SLC35D4: variants seen among roughly 807,000 people sequenced by gnomAD.
The protein encoded by SLC35D4 is solute carrier family 35 member D4.
chr18:23,400,958 G>A, the SLC35D4 span, among the ~76,000 whole-genome samples: 2,480 of 152,274 alleles, frequency 0.016, 72 homozygotes, highest in African/African-American at 0.056. Context: ...CTTACAAGGT[G>A]CTGAGAATTA....
chr18:23,432,714 T>C, the SLC35D4 span, among the ~76,000 whole-genome samples: 9 of 147,162 alleles, frequency 6.1e-5, no homozygotes, highest in African/African-American at 2.3e-4. Flanking sequence ...GAAGGAGCAA[T>C]TTGGGAGCCA....
the SLC35D4 span, chr18:23,377,747 C>T: frequency 1.5e-6 from 2 of 1,309,946 alleles, no homozygotes; most frequent in African/African-American, 1.5e-5. Context: ...ACATTTTGAT[C>T]AAGAGGCAAA....
chr18:23,289,148 C>T, the SLC35D4 span, among the ~76,000 whole-genome samples: 1 of 152,202 alleles, frequency 6.6e-6, no homozygotes. Flanking sequence ...TCATACATGT[C>T]CTGCTCTTGT....
the SLC35D4 span, among the ~76,000 whole-genome samples, chr18:23,267,083 G>C: frequency 2.0e-5 from 3 of 152,340 alleles, no homozygotes; most frequent in South Asian, 6.2e-4. Context: ...CCCAGAAGAA[G>C]GTGCTTGCCC....
the SLC35D4 span, among the ~76,000 whole-genome samples, chr18:23,343,779 A>G: frequency 6.6e-6 from 1 of 151,954 alleles, no homozygotes; most frequent in Non-Finnish European, 1.5e-5. Flanking sequence ...TGTGTTCTCA[A>G]TGTTTAATTC....
At chr18:23,281,203 AC>A in the SLC35D4 span, among the ~76,000 whole-genome samples, 1 of 152,174 alleles carries the variant, frequency 6.6e-6, no homozygotes, top group Non-Finnish European at 1.5e-5. Flanking sequence ...GATAGTGATA[AC>A]GGTTGCAGAA....
chr18:23,239,299 G>A, the SLC35D4 span, among the ~76,000 whole-genome samples: 1 of 152,188 alleles, frequency 6.6e-6, no homozygotes. Context: ...GTGCTTCTGG[G>A]AATAGTCCAT....
chr18:23,415,974 G>A, the SLC35D4 span, among the ~76,000 whole-genome samples: 2 of 152,166 alleles, frequency 1.3e-5, no homozygotes, highest in African/African-American at 2.4e-5. Flanking sequence ...TTGGGAGGCC[G>A]AGGCAGGTGG....
chr18:23,238,841 T>C, the SLC35D4 span, among the ~76,000 whole-genome samples: 19 of 152,316 alleles, frequency 1.2e-4, no homozygotes, highest in East Asian at 3.7e-3. Flanking sequence ...TGCCCAGCTG[T>C]CTCTGAATTC....
chr18:23,242,081 G>T, the SLC35D4 span, among the ~76,000 whole-genome samples: 1 of 152,230 alleles, frequency 6.6e-6, no homozygotes, highest in Admixed American at 6.5e-5. Flanking sequence ...TTCAAGAGCA[G>T]CCTGACCAAC....
the SLC35D4 span, among the ~76,000 whole-genome samples, chr18:23,302,596 G>C: frequency 6.6e-6 from 1 of 152,200 alleles, no homozygotes; most frequent in Non-Finnish European, 1.5e-5. Context: ...GGAGGATAAT[G>C]ACATATATAT....
At chr18:23,246,552 C>A in the SLC35D4 span, among the ~76,000 whole-genome samples, 1 of 151,118 alleles carries the variant, frequency 6.6e-6, no homozygotes, top group African/African-American at 2.4e-5. Context: ...CCACCACACC[C>A]GGCTAATTTT....
the SLC35D4 span, among the ~76,000 whole-genome samples, chr18:23,428,684 ATTT>A: frequency 6.9e-6 from 1 of 145,782 alleles, no homozygotes; most frequent in East Asian, 2.0e-4. Context: ...TGCCTAGCTA[ATTT>A]TTTTTTTTTT....
the SLC35D4 span, among the ~76,000 whole-genome samples, chr18:23,241,795 C>T: frequency 3.3e-5 from 5 of 152,284 alleles, no homozygotes; most frequent in South Asian, 6.2e-4. Context: ...AAAGGCCCCT[C>T]GTCGCCACAG....
At chr18:23,421,308 T>A in the SLC35D4 span, 1 of 1,381,232 alleles carries the variant, frequency 7.2e-7, no homozygotes, top group Non-Finnish European at 1.0e-6. Context: ...TGAAATTATA[T>A]AATATCAAAA....
At chr18:23,289,552 T>C in the SLC35D4 span, among the ~76,000 whole-genome samples, 1 of 152,120 alleles carries the variant, frequency 6.6e-6, no homozygotes, top group Non-Finnish European at 1.5e-5. Flanking sequence ...CTGAGAAACA[T>C]TGCCCATTAT....
At chr18:23,404,974 C>T in the SLC35D4 span, among the ~76,000 whole-genome samples, 1 of 107,766 alleles carries the variant, frequency 9.3e-6, no homozygotes, top group South Asian at 3.3e-4. Flanking sequence ...CTGGGGGCAA[C>T]AGAGCGAGAC....
the SLC35D4 span, among the ~76,000 whole-genome samples, chr18:23,349,422 G>T: frequency 6.6e-6 from 1 of 152,202 alleles, no homozygotes; most frequent in Non-Finnish European, 1.5e-5. Context: ...CACGAGGTCA[G>T]ATATCGAGAA....
At chr18:23,377,004 G>GA in the SLC35D4 span, 1 of 455,242 alleles carries the variant, frequency 2.2e-6, no homozygotes, top group Non-Finnish European at 4.4e-6. Context: ...ATCTGCAGTA[G>GA]AAATCCTAAA....
Sources: allele counts gnomAD v4.1 joint callset (sites outside exome capture counted in the v4.1 genomes callset), GRCh38; gene constraint gnomAD v4.1.1; transcripts MANE v1.5; gene names NCBI Gene and HGNC (gene_info 2026-07-23, HGNC 2026-07-21).